Variants in EPHB1 observed in about 807,000 individuals in gnomAD.
EPHB1 encodes ephrin type-B receptor 1.
In EPHB1, 30 loss-of-function variants were observed where a neutral mutation model predicts 94.4. That is an observed-to-expected ratio of 0.32 (90% CI 0.24 to 0.43). The LOEUF is 0.43. EPHB1 is among the 20% of genes least tolerant of loss of function. The probability of loss-of-function intolerance (pLI) is 1.00; values close to 1 mark genes in which losing one functional copy is unlikely to be tolerated. For synonymous variants in EPHB1, 522 were observed against 489.1 expected (o/e 1.07, Z -0.89); for missense variants, 1,055 against 1,308.3 (o/e 0.81, Z 2.99).
At chr3:135,183,026 T>TTTTCTTTTCTTTTCTTTC (rs1553745483) in intron 10 of EPHB1, among the ~76,000 whole-genome samples, 70 of 94,644 alleles carry the variant, frequency 7.4e-4, no homozygotes, top group East Asian at 3.3e-3. Context: ...TTTTCTTTTC[T>TTTTCTTTTCTTTTCTTTC]TTTCTTTCTT....
At chr3:135,147,056 A>G (rs1941032291) in intron 5 of EPHB1, among the ~76,000 whole-genome samples, 1 of 152,238 alleles carries the variant, frequency 6.6e-6, no homozygotes, top group African/African-American at 2.4e-5. Flanking sequence ...CCTTATCCCA[A>G]GATCACATAA....
chr3:134,818,792 G>A (rs2036321521), intron 1 of EPHB1, among the ~76,000 whole-genome samples: 1 of 152,192 alleles, frequency 6.6e-6, no homozygotes, highest in South Asian at 2.1e-4. Flanking sequence ...GGACGTTTGG[G>A]TTGGTTCCAC....
intron 3 of EPHB1, among the ~76,000 whole-genome samples, chr3:135,101,733 T>G (rs1939043684): frequency 6.6e-6 from 1 of 152,190 alleles, no homozygotes; most frequent in Admixed American, 6.5e-5. Context: ...TGAGAAAGTA[T>G]AGCATAAGTG....
chr3:134,970,786 G>A (rs776381922), intron 3 of EPHB1, among the ~76,000 whole-genome samples: 11 of 152,146 alleles, frequency 7.2e-5, no homozygotes, highest in Admixed American at 1.3e-4. Flanking sequence ...TGTCTCACAC[G>A]TTCATCAGGC....
At chr3:135,045,673 G>T (rs905714043) in intron 3 of EPHB1, among the ~76,000 whole-genome samples, 1 of 152,202 alleles carries the variant, frequency 6.6e-6, no homozygotes, top group Non-Finnish European at 1.5e-5. Flanking sequence ...AGTGAAAATT[G>T]GAGCTTTGGG....
intron 3 of EPHB1, among the ~76,000 whole-genome samples, chr3:134,990,621 G>A (rs1246161586): frequency 6.6e-6 from 1 of 152,132 alleles, no homozygotes; most frequent in Non-Finnish European, 1.5e-5. Flanking sequence ...CAGAGAATTT[G>A]TACCAGGACT....
At chr3:134,857,384 GT>G (rs1031271090) in intron 1 of EPHB1, among the ~76,000 whole-genome samples, 5 of 152,056 alleles carry the variant, frequency 3.3e-5, no homozygotes, top group African/African-American at 1.2e-4. Flanking sequence ...GCAGGTCTTG[GT>G]TCCTACTTTC....
intron 1 of EPHB1, among the ~76,000 whole-genome samples, chr3:134,904,657 G>A (rs1467582626): frequency 6.6e-6 from 1 of 152,186 alleles, no homozygotes; most frequent in African/African-American, 2.4e-5. Context: ...GAGAGATTTT[G>A]GCACACACAC....
chr3:134,956,244 A>T (rs920862161), intron 3 of EPHB1, among the ~76,000 whole-genome samples: 1 of 151,906 alleles, frequency 6.6e-6, no homozygotes. Context: ...TTCTGTGACA[A>T]CCCCTGAGTG....
chr3:135,135,039 C>T (rs1940568288), intron 5 of EPHB1, among the ~76,000 whole-genome samples: 1 of 152,094 alleles, frequency 6.6e-6, no homozygotes, highest in Admixed American at 6.6e-5. Flanking sequence ...CATTTGTATC[C>T]TCACCCTTTT....
rs1362862090 is a variant in EPHB1, at chr3:135,222,237, C to A, written c.2347-18911C>A. ...CATAATAAATATGTACAGTGCCCAGCAGAACAGTTGATGCCTAGTGGATGC... is the reference window on the plus strand; with the variant it reads ...CATAATAAATATGTACAGTGCCCAGAAGAACAGTTGATGCCTAGTGGATGC... On this transcript the variant is annotated intron_variant, in intron 12 of 15. Transcript: ENST00000398015. Among the ~76,000 whole-genome samples, 5 of 152,262 alleles carry A rather than the reference C, an allele frequency of 3.3e-5. No individual in the cohort carries two copies. In the South Asian group the frequency reaches 6.2e-4, roughly 19 times the overall value.
intron 4 of EPHB1, among the ~76,000 whole-genome samples, chr3:135,131,983 A>G (rs1198176928): frequency 6.6e-6 from 1 of 152,112 alleles, no homozygotes; most frequent in Non-Finnish European, 1.5e-5. Context: ...TGAGATAATT[A>G]TTTTATCTTC....
At chr3:134,918,514 A>C (rs2038615500) in intron 1 of EPHB1, among the ~76,000 whole-genome samples, 1 of 152,242 alleles carries the variant, frequency 6.6e-6, no homozygotes, top group South Asian at 2.1e-4. Context: ...GCAGCATAGT[A>C]ATAATTAGGA....
chr3:135,108,965 A>G (rs1939333597), intron 4 of EPHB1, among the ~76,000 whole-genome samples: 1 of 152,188 alleles, frequency 6.6e-6, no homozygotes, highest in Admixed American at 6.5e-5. Flanking sequence ...GGCTACTGAC[A>G]GTAAGGGGAG....
intron 11 of EPHB1, among the ~76,000 whole-genome samples, chr3:135,200,596 C>A (rs1441510820): frequency 6.6e-6 from 1 of 152,110 alleles, no homozygotes; most frequent in Non-Finnish European, 1.5e-5. Flanking sequence ...GATTTTCTAT[C>A]TACCTTAAAG....
chr3:134,928,338 G>A (rs1354710899), intron 2 of EPHB1, among the ~76,000 whole-genome samples: 5 of 152,298 alleles, frequency 3.3e-5, no homozygotes, highest in Admixed American at 2.6e-4. Flanking sequence ...TTTACCAATA[G>A]CACAATACAC....
intron 3 of EPHB1, among the ~76,000 whole-genome samples, chr3:134,983,041 C>G (rs926542124): frequency 2.6e-5 from 4 of 152,184 alleles, no homozygotes; most frequent in Admixed American, 2.6e-4. Flanking sequence ...GGTGCCGGAG[C>G]CTTAGACTGT....
At chr3:134,946,311 G>A (rs1357816943) in intron 2 of EPHB1, among the ~76,000 whole-genome samples, 1 of 152,142 alleles carries the variant, frequency 6.6e-6, no homozygotes, top group African/African-American at 2.4e-5. Context: ...TTACACTCAG[G>A]ATGAAGTTCA....
chr3:135,185,776 C>T (rs1427489296), intron 10 of EPHB1, among the ~76,000 whole-genome samples: 1 of 152,198 alleles, frequency 6.6e-6, no homozygotes, highest in Non-Finnish European at 1.5e-5. Context: ...AAGAGCAGCT[C>T]AGTATACAGA....
Sources: allele counts gnomAD v4.1 joint callset (sites outside exome capture counted in the v4.1 genomes callset), GRCh38; gene constraint gnomAD v4.1.1; transcripts MANE v1.5; gene names NCBI Gene and HGNC (gene_info 2026-07-23, HGNC 2026-07-21).